KLHL32: variants seen among roughly 807,000 people sequenced by gnomAD.
KLHL32 encodes kelch-like protein 32.
KLHL32 carries 35 observed loss-of-function variants against 64.8 expected under a neutral mutation model. The ratio of observed to expected loss-of-function variants is 0.54; its 90% CI spans 0.41 to 0.72. The LOEUF is 0.72. KLHL32 is among the 30% of genes least tolerant of loss of function. KLHL32 has a pLI of 0.00. For missense variants in KLHL32, 589 were observed against 768.5 expected, an observed-to-expected ratio of 0.77 and a Z score of 2.76; for synonymous variants, 259 against 281.0, an observed-to-expected ratio of 0.92 and a Z score of 0.78.
intron 3 of KLHL32, among the ~76,000 whole-genome samples, chr6:97,034,758 T>C (rs1269247575): frequency 6.6e-6 from 1 of 152,086 alleles, no homozygotes; most frequent in East Asian, 1.9e-4. Context: ...TTCTTTGTTA[T>C]TGTAAATGGG....
At chr6:97,091,227 A>G (rs954199349) in intron 6 of KLHL32, among the ~76,000 whole-genome samples, 2 of 152,208 alleles carry the variant, frequency 1.3e-5, no homozygotes, top group Non-Finnish European at 2.9e-5. Context: ...AAAACAAAAC[A>G]AAACGAAACA....
At chr6:96,963,179 G>T (rs1774068170) in intron 1 of KLHL32, among the ~76,000 whole-genome samples, 1 of 152,186 alleles carries the variant, frequency 6.6e-6, no homozygotes, top group Admixed American at 6.5e-5. Context: ...GGCACCCAGT[G>T]ATGACTAACC....
chr6:97,027,070 G>T (rs1782816352), intron 3 of KLHL32, among the ~76,000 whole-genome samples: 3 of 151,442 alleles, frequency 2.0e-5, no homozygotes, highest in Middle Eastern at 6.8e-3. Context: ...GCTGAGGCAG[G>T]AGAATCACTT....
In KLHL32 at chr6:97,032,822, T is replaced by G. The variant is rs966672933; in HGVS notation, c.205-8670T>G. Among the ~76,000 whole-genome samples, 6 of 152,286 alleles carry G rather than the reference T, an allele frequency of 3.9e-5. 1 individual carries two copies. Among genetic ancestry groups the G allele is most frequent in the African/African-American group, 1.4e-4 (6 of 41,564 alleles). ...GAAGCAAATTCAACATTTTATAAACTAAAGGTTTTTATTTAACTGTGATCT... is the reference window on the plus strand; with the variant it reads ...GAAGCAAATTCAACATTTTATAAACGAAAGGTTTTTATTTAACTGTGATCT... On this transcript the variant is annotated intron_variant, in intron 3 of 10. Coordinates refer to ENST00000369261, the MANE Select transcript of KLHL32 (RefSeq NM_052904.4).
chr6:97,047,581 T>C (rs1766519), intron 4 of KLHL32, among the ~76,000 whole-genome samples: 38,691 of 152,132 alleles, frequency 0.25, 6,310 homozygotes, highest in African/African-American at 0.45. Context: ...ATCCTGTTAC[T>C]CTGGCCTCCC....
Position 97,139,440 on chromosome 6 carries a change from T to G in KLHL32, c.*158T>G, listed in dbSNP as rs1800446648. On this transcript the variant is annotated 3_prime_UTR_variant, in exon 11 of 11. Coordinates refer to ENST00000369261, the MANE Select transcript of KLHL32 (RefSeq NM_052904.4). ...TGAACAATTTTCTAAAATACGTTAT[T>G]GAAAACTCGTCACCCTTCTCAGTGT... 1.6e-6 allele frequency: 1 copy of G among 632,370 alleles called. No individual in the cohort carries two copies. The highest frequency in any genetic ancestry group is 2.1e-5 in the South Asian group (1 of 47,294). 39.2% of individuals were successfully genotyped at this position (632,370 alleles called of 1,614,324 possible). A position where few individuals can be genotyped will look rare whatever the true frequency, so the allele number is the denominator to read the frequency against.
intron 4 of KLHL32, among the ~76,000 whole-genome samples, chr6:97,056,281 A>AT (rs1787912118): frequency 6.6e-6 from 1 of 151,098 alleles, no homozygotes; most frequent in South Asian, 2.1e-4. Flanking sequence ...AATTTTTTGT[A>AT]TTTTTAGTAG....
At chr6:97,011,106 A>G (rs1030286216) in intron 3 of KLHL32, among the ~76,000 whole-genome samples, 2 of 152,208 alleles carry the variant, frequency 1.3e-5, no homozygotes, top group Non-Finnish European at 2.9e-5. Flanking sequence ...CAGCGTTTGG[A>G]CATGAGGGAA....
rs1427541828 is a variant in KLHL32 at position 97,114,179 on chromosome 6, G to A, written c.1024G>A (p.Ala342Thr). Residue 342 changes from alanine to threonine, a missense_variant, in exon 7 of 11, where the codon GCA (alanine) becomes ACA (threonine). Ala to Thr is a moderately conservative substitution (Grantham distance 58, BLOSUM62 0). Transcript: ENST00000369261. ...TGTGGGAAGGAGCCACCATTGTGTG[G>A]CAGTCATGGGGGACTTCCTGTTTGT... The part of the protein sequence containing the change: ...MPVGRSHHCV[A>T]VMGDFLFVAG... 6.2e-7 allele frequency: 1 copy of A among 1,614,196 alleles called. No homozygotes were observed. Among genetic ancestry groups the A allele is most frequent in the Admixed American group, 1.7e-5 (1 of 60,026 alleles).
At chr6:97,049,725 A>C (rs1418521343) in intron 4 of KLHL32, among the ~76,000 whole-genome samples, 1 of 152,176 alleles carries the variant, frequency 6.6e-6, no homozygotes, top group Non-Finnish European at 1.5e-5. Flanking sequence ...AGGAAGTTTG[A>C]ATTTCATCAG....
At chr6:96,991,361 T>C (rs1249153206) in intron 3 of KLHL32, among the ~76,000 whole-genome samples, 5 of 151,858 alleles carry the variant, frequency 3.3e-5, no homozygotes, top group Non-Finnish European at 5.9e-5. Context: ...AGAAGAGACA[T>C]TGGGTTTCTC....
intron 4 of KLHL32, among the ~76,000 whole-genome samples, chr6:97,055,275 C>G (rs1787612628): frequency 6.6e-6 from 1 of 152,156 alleles, no homozygotes; most frequent in South Asian, 2.1e-4. Context: ...AAAGGAAGAT[C>G]TTCATCATCT....
At chr6:97,132,523 T>C (rs190167437) in intron 9 of KLHL32, 130 bp from the exon 10 acceptor site, 1 of 654,838 alleles carries the variant, frequency 1.5e-6, no homozygotes, top group African/African-American at 1.9e-5. Flanking sequence ...AGTGATTAGT[T>C]GCTGCAAAAA....
At position 97,139,540 on chromosome 6, in the gene KLHL32, G is replaced by C. The variant is rs532239295; in HGVS notation, c.*258G>C. 1 of 355,658 alleles carries C rather than the reference G, an allele frequency of 2.8e-6. No homozygotes were observed. Among genetic ancestry groups the C allele is most frequent in the East Asian group, 5.5e-5 (1 of 18,202 alleles). 22.0% of individuals were successfully genotyped at this position (355,658 alleles called of 1,614,324 possible). A position where few individuals can be genotyped will look rare whatever the true frequency, so the allele number is the denominator to read the frequency against. On this transcript the variant is annotated 3_prime_UTR_variant, in exon 11 of 11. Transcript: ENST00000369261. ...AATTTAAGGTATATTGTGTTCCATG[G>C]GTCTTTAGAGCATTCTTTGTACACT... is the stretch of plus-strand genomic sequence containing the variant.
intron 3 of KLHL32, among the ~76,000 whole-genome samples, chr6:96,992,303 T>C (rs1777974583): frequency 6.6e-6 from 1 of 152,216 alleles, no homozygotes; most frequent in South Asian, 2.1e-4. Flanking sequence ...CACTCACCGT[T>C]TCCTGGCTGT....
At chr6:97,049,027 A>G (rs971849494) in intron 4 of KLHL32, among the ~76,000 whole-genome samples, 4 of 152,216 alleles carry the variant, frequency 2.6e-5, no homozygotes, top group African/African-American at 9.6e-5. Context: ...TGGAGGGTAC[A>G]CAGTGAAATC....
intron 1 of KLHL32, among the ~76,000 whole-genome samples, chr6:96,928,220 A>G (rs762316543): frequency 6.6e-6 from 1 of 152,112 alleles, no homozygotes; most frequent in Non-Finnish European, 1.5e-5. Flanking sequence ...TAGTAGGGGG[A>G]TTAGTGCTGG....
At chr6:96,932,575 C>T (rs73758065) in intron 1 of KLHL32, among the ~76,000 whole-genome samples, 503 of 73,724 alleles carry the variant, frequency 6.8e-3, no homozygotes, top group South Asian at 0.011. Context: ...CCCCCCCCCC[C>T]TTTTTTTTTT....
At position 97,055,772 on chromosome 6, in the gene KLHL32, G is replaced by A. The variant is rs563476576; in HGVS notation, c.313-8856G>A. ...GATATCGTGCCCCTGCACCCCAGCC[G>A]AGGTAACAGACTGAGAACCTGTCTA... On this transcript the variant is annotated intron_variant, in intron 4 of 10. Transcript: ENST00000369261. Among the ~76,000 whole-genome samples the A allele has an allele frequency of 3.3e-4, 37 of 111,238 alleles. 1 individual carries two copies. In the South Asian group the frequency reaches 3.5e-3, roughly 11 times the overall value. The allele number at this position is 111,238 out of a possible 152,430, so 73.0% of individuals were successfully genotyped here. A position where few individuals can be genotyped will look rare whatever the true frequency, so the allele number is the denominator to read the frequency against.
Sources: gnomAD v4.1 joint callset for allele counts (sites outside exome capture counted in the v4.1 genomes callset) on GRCh38, gnomAD v4.1.1 for gene constraint, MANE v1.5 for transcripts, NCBI Gene and HGNC (gene_info 2026-07-23, HGNC 2026-07-21) for gene names.